SLC9A1: variants seen among roughly 807,000 people sequenced by gnomAD.
The protein encoded by SLC9A1 is solute carrier family 9 member A1.
In SLC9A1, 22 loss-of-function variants were observed where a neutral mutation model predicts 67.9. The ratio of observed to expected loss-of-function variants is 0.32; its 90% CI spans 0.23 to 0.46. The LOEUF is 0.46. Ranked by LOEUF, SLC9A1 falls within the 20% of genes least tolerant of loss-of-function variation. SLC9A1 has a pLI of 1.00. For missense variants in SLC9A1, 686 were observed against 1,094.8 expected (o/e 0.63, Z 5.27); for synonymous variants, 421 against 471.8 (o/e 0.89, Z 1.40).
intron 1 of SLC9A1, among the ~76,000 whole-genome samples, chr1:27,147,026 CT>C (rs1375923009): frequency 4.0e-5 from 6 of 151,786 alleles, no homozygotes; most frequent in Non-Finnish European, 8.8e-5. Context: ...AATATCAGGA[CT>C]TTGGGAGGCT....
chr1:27,105,816 CCT>C (rs777288958), intron 5 of SLC9A1, 67 bp downstream of exon 5: 121 of 1,343,812 alleles, frequency 9.0e-5, no homozygotes, highest in Non-Finnish European at 1.2e-4. Flanking sequence ...CACACGCTTT[CCT>C]CTCTTTCCAC....
chr1:27,105,745 G>A (rs1245773493), intron 5 of SLC9A1, 140 bp downstream of exon 5: 3 of 761,324 alleles, frequency 3.9e-6, no homozygotes, highest in African/African-American at 1.7e-5. Context: ...AGGGGGAGTG[G>A]CTCGCCCAAG....
intron 1 of SLC9A1, among the ~76,000 whole-genome samples, chr1:27,142,984 C>T (rs982012414): frequency 2.1e-5 from 3 of 144,868 alleles, no homozygotes; most frequent in African/African-American, 7.7e-5. Context: ...GTTCCCACCA[C>T]ACAAAAGGCA....
Position 27,146,533 on chromosome 1 carries a change from G to A in SLC9A1, c.352+7450C>T, listed in dbSNP as rs932844413. On this transcript the variant is annotated intron_variant, in intron 1 of 11. Transcript: ENST00000263980. ...GGGCATGAGGATGAAAAGAACACAG[G>A]CTCTGAAGTCAGACAAATCTGGGCT... 6.6e-5 allele frequency among the ~76,000 whole-genome samples: 10 copies of A among 152,298 alleles called. No individual in the cohort carries two copies. The South Asian group carries it at 2.1e-3, about 32-fold the overall frequency.
At chr1:27,142,832 C>A (rs562988264) in intron 1 of SLC9A1, among the ~76,000 whole-genome samples, 1 of 152,212 alleles carries the variant, frequency 6.6e-6, no homozygotes, top group East Asian at 1.9e-4. Flanking sequence ...TCTCTCAGGA[C>A]ACAGCTTACT....
In SLC9A1 at chr1:27,109,897, C is replaced by T. The variant is rs1570852246; in HGVS notation, c.814-120G>A. The T allele has an allele frequency of 4.4e-5, 52 of 1,173,698 alleles. No homozygotes were observed. In the East Asian group the frequency reaches 5.2e-4, roughly 12 times the overall value. 72.7% of individuals were successfully genotyped at this position (1,173,698 alleles called of 1,614,324 possible). ...ACCATGGCCACAAGAAGAGGCCACA[C>T]GGTAGCAGAGAAACCCTAGTGCCAA... is the stretch of plus-strand genomic sequence containing the variant. On this transcript the variant is annotated intron_variant, in intron 2 of 11. Transcript: ENST00000263980. The surrounding 1 kb of genome is among the most constrained non-coding windows in gnomAD (Gnocchi z 5.5).
chr1:27,143,429 T>A (rs1472432511), intron 1 of SLC9A1, among the ~76,000 whole-genome samples: 1 of 152,226 alleles, frequency 6.6e-6, no homozygotes, highest in Non-Finnish European at 1.5e-5. Context: ...GAAAGCTGAC[T>A]CCCTGTGGGC....
chr1:27,108,135 T>C (rs1264668536), intron 3 of SLC9A1, among the ~76,000 whole-genome samples: 2 of 150,860 alleles, frequency 1.3e-5, no homozygotes, highest in Non-Finnish European at 3.0e-5. Flanking sequence ...GGCGCGATCT[T>C]GGCTCACTGC....
At chr1:27,115,952 C>T (rs1377423590) in intron 1 of SLC9A1, among the ~76,000 whole-genome samples, 1 of 152,144 alleles carries the variant, frequency 6.6e-6, no homozygotes, top group Non-Finnish European at 1.5e-5. Context: ...CCTCTGCTCT[C>T]ATTACTTACT....
intron 1 of SLC9A1, among the ~76,000 whole-genome samples, chr1:27,121,995 A>T (rs1294604403): frequency 6.6e-6 from 1 of 152,190 alleles, no homozygotes; most frequent in Non-Finnish European, 1.5e-5. Flanking sequence ...GTGCGCCTAT[A>T]GTCCTAGCTA....
At chr1:27,127,421 G>A (rs2083353202) in intron 1 of SLC9A1, among the ~76,000 whole-genome samples, 1 of 152,230 alleles carries the variant, frequency 6.6e-6, no homozygotes, top group African/African-American at 2.4e-5. Context: ...GGCAACAGAT[G>A]AGAGAACAGA....
rs755073887 is a variant in SLC9A1, at chr1:27,131,979, A to T, written c.353-17693T>A. On this transcript the variant is annotated intron_variant, in intron 1 of 11. Coordinates refer to ENST00000263980, the MANE Select transcript of SLC9A1 (RefSeq NM_003047.5). Reference sequence around the variant, plus strand: ...ATATATATATATATATATATATATAAAATTATGGCTACACTTATTGAAGGC... The same window carrying T: ...ATATATATATATATATATATATATATAATTATGGCTACACTTATTGAAGGC... Among the ~76,000 whole-genome samples, 18 of 134,426 alleles carry T rather than the reference A, an allele frequency of 1.3e-4. 1 individual carries two copies. The highest frequency in any genetic ancestry group is 4.1e-4 in the East Asian group (2 of 4,844). The allele number at this position is 134,426 out of a possible 152,430, so 88.2% of individuals were successfully genotyped here.
In SLC9A1 at chr1:27,100,320, G is replaced by C. The variant is rs778226166; in HGVS notation, c.2435C>G (p.Pro812Arg). ...PEPGEGEPFF[P>R]KGQ ...CTGGCCCTGGTGTTACTGCCCCTTGGGGAAGAACGGTTCTCCCTCCCCAGG... is the reference window on the plus strand; with the variant it reads ...CTGGCCCTGGTGTTACTGCCCCTTGCGGAAGAACGGTTCTCCCTCCCCAGG... Residue 812 changes from proline (P) to arginine (R), a missense_variant, in exon 12 of 12, where the codon CCC (proline) becomes CGC (arginine). By Grantham distance (103) the Pro-to-Arg change is moderately radical. Coordinates refer to ENST00000263980, the MANE Select transcript of SLC9A1 (RefSeq NM_003047.5). This position sits in a 1 kb window ranked among gnomAD's most constrained non-coding sequence, Gnocchi z 5.6. 7 of 1,531,270 alleles carry C rather than the reference G, an allele frequency of 4.6e-6. No homozygotes were observed. In the African/African-American group the frequency reaches 9.7e-5, roughly 21 times the overall value. The allele number at this position is 1,531,270 out of a possible 1,614,324, so 94.9% of individuals were successfully genotyped here.
intron 4 of SLC9A1, among the ~76,000 whole-genome samples, 183 bp downstream of exon 4, chr1:27,107,465 A>G (rs1264992632): frequency 7.0e-6 from 1 of 142,418 alleles, no homozygotes; most frequent in Non-Finnish European, 1.5e-5. Context: ...ATACGCATAC[A>G]CACACACACC....
In SLC9A1 at chr1:27,114,520, C is replaced by G. The variant is rs1409051847; in HGVS notation, c.353-234G>C. Among the ~76,000 whole-genome samples, 1 of 152,152 alleles carries G rather than the reference C, an allele frequency of 6.6e-6. No individual in the cohort carries two copies. Among genetic ancestry groups the G allele is most frequent in the Non-Finnish European group, 1.5e-5 (1 of 68,038 alleles). ...ACCAAGTGACAGTGTTTTTAAAGCA[C>G]TTTTTTCAAAGGATATATACATGCT... On this transcript the variant is annotated intron_variant, in intron 1 of 11. Transcript: ENST00000263980. This position sits in a 1 kb window ranked among gnomAD's most constrained non-coding sequence, Gnocchi z 5.4.
At chr1:27,124,405 G>A (rs2083326741) in intron 1 of SLC9A1, among the ~76,000 whole-genome samples, 1 of 152,190 alleles carries the variant, frequency 6.6e-6, no homozygotes, top group Admixed American at 6.5e-5. Context: ...TTACCAATGT[G>A]TTAAATTCAT....
intron 1 of SLC9A1, among the ~76,000 whole-genome samples, chr1:27,122,859 A>G (rs2083313512): frequency 6.6e-6 from 1 of 152,120 alleles, no homozygotes; most frequent in African/African-American, 2.4e-5. Context: ...CACAGGGGAG[A>G]GGGAGGGACA....
At chr1:27,115,912 G>A (rs778564060) in intron 1 of SLC9A1, among the ~76,000 whole-genome samples, 2 of 152,100 alleles carry the variant, frequency 1.3e-5, no homozygotes, top group Non-Finnish European at 2.9e-5. Context: ...CATCACCCAA[G>A]ATTTCCGATA....
chr1:27,102,099 G>A lies in SLC9A1; in HGVS notation c.1852C>T (p.Arg618Cys), dbSNP rs1189050207. 13 of 1,613,878 alleles carry A rather than the reference G, an allele frequency of 8.1e-6. No homozygotes were observed. The highest frequency in any genetic ancestry group is 5.3e-5 in the African/African-American group (4 of 74,936). Residue 618 changes from arginine to cysteine, a missense_variant, in exon 9 of 12, where the codon CGC becomes TGC. Physicochemically the swap from Arg to Cys is radical, Grantham distance 180. Coordinates refer to ENST00000263980, the MANE Select transcript of SLC9A1 (RefSeq NM_003047.5). ...NIHPKSLPSE[R>C]ILPALSKDKE... ...TCCTTGGACAGTGCTGGCAGGATGC[G>A]CTCGGAAGGCAGGGACTTGGGGTGG...
Sources: gnomAD v4.1 joint callset for allele counts (sites outside exome capture counted in the v4.1 genomes callset) on GRCh38, gnomAD v4.1.1 for gene constraint, Gnocchi (gnomAD v3.1) non-coding constraint, MANE v1.5 for transcripts, NCBI Gene and HGNC (gene_info 2026-07-23, HGNC 2026-07-21) for gene names.